Variants in EPHA5 observed in about 807,000 individuals in gnomAD.
The protein encoded by EPHA5 is ephrin type-A receptor 5.
In EPHA5, 60 loss-of-function variants were observed where a neutral mutation model predicts 105.0. The ratio of observed to expected loss-of-function variants is 0.57; its 90% CI spans 0.46 to 0.71. EPHA5 has a LOEUF of 0.71. Among genes scored for constraint, EPHA5 ranks in the 30% least tolerant of loss-of-function variants. The probability of loss-of-function intolerance (pLI) is 0.00; values close to 1 mark genes in which losing one functional copy is unlikely to be tolerated. For missense variants in EPHA5, 1,218 were observed against 1,274.7 expected (o/e 0.96, Z 0.68); for synonymous variants, 513 against 449.1 (o/e 1.14, Z -1.80).
chr4:65,354,359 TA>T (rs1327083875), intron 11 of EPHA5, among the ~76,000 whole-genome samples: 26 of 151,888 alleles, frequency 1.7e-4, no homozygotes, highest in Admixed American at 4.6e-4. Flanking sequence ...AATTGCAAGA[TA>T]AAAAATTATT....
chr4:65,419,371 TCCC>T (rs1174064978), intron 6 of EPHA5, among the ~76,000 whole-genome samples: 1 of 152,144 alleles, frequency 6.6e-6, no homozygotes, highest in Non-Finnish European at 1.5e-5. Flanking sequence ...TTTCCTACCA[TCCC>T]TTTTACTCTT....
intron 5 of EPHA5, among the ~76,000 whole-genome samples, chr4:65,442,289 ATCTT>A (rs777475937): frequency 3.3e-5 from 5 of 152,088 alleles, no homozygotes; most frequent in African/African-American, 7.2e-5. Flanking sequence ...CCTTAAAGAG[ATCTT>A]TCTTTCTCTC....
At chr4:65,586,542 T>A (rs965023650) in intron 3 of EPHA5, among the ~76,000 whole-genome samples, 1 of 152,006 alleles carries the variant, frequency 6.6e-6, no homozygotes, top group African/African-American at 2.4e-5. Context: ...CTTGTCTTTT[T>A]ACTATACATC....
intron 3 of EPHA5, among the ~76,000 whole-genome samples, chr4:65,592,907 A>G (rs1742809393): frequency 6.6e-6 from 1 of 152,212 alleles, no homozygotes; most frequent in Admixed American, 6.5e-5. Flanking sequence ...ATTTGGTCCC[A>G]ATAATACACA....
intron 5 of EPHA5, among the ~76,000 whole-genome samples, chr4:65,436,115 T>C (rs1316580426): frequency 6.6e-6 from 1 of 152,042 alleles, no homozygotes; most frequent in African/African-American, 2.4e-5. Flanking sequence ...AAGCTGTTAC[T>C]GATGAGAGTT....
At chr4:65,448,841 C>G (rs189011924) in intron 5 of EPHA5, among the ~76,000 whole-genome samples, 26 of 152,170 alleles carry the variant, frequency 1.7e-4, no homozygotes, top group Admixed American at 1.4e-3. Context: ...GCAAATTATT[C>G]ATACTGAAAT....
intron 16 of EPHA5, 119 bp from the exon 17 acceptor site, chr4:65,324,338 G>T: frequency 1.7e-6 from 1 of 600,636 alleles, no homozygotes; most frequent in Non-Finnish European, 2.9e-6. Context: ...TCCTAATTTA[G>T]ACATACAGAG....
chr4:65,669,251 CG>C (rs1750236865), intron 1 of EPHA5, among the ~76,000 whole-genome samples: 1 of 151,870 alleles, frequency 6.6e-6, no homozygotes, highest in African/African-American at 2.4e-5. Context: ...CCCCCTGGAA[CG>C]GGCCTCCATT....
chr4:65,659,074 C>A (rs1026236964), intron 1 of EPHA5, among the ~76,000 whole-genome samples: 3 of 151,708 alleles, frequency 2.0e-5, no homozygotes, highest in Admixed American at 2.0e-4. Context: ...TTCCAGGAAA[C>A]CTTTCTGTCT....
intron 2 of EPHA5, among the ~76,000 whole-genome samples, chr4:65,638,292 G>A (rs1207080000): frequency 6.6e-6 from 1 of 152,038 alleles, no homozygotes. Context: ...CACAACTGGG[G>A]ATAAAAATCT....
chr4:65,513,374 G>C (rs150911473), intron 3 of EPHA5, among the ~76,000 whole-genome samples: 1 of 151,746 alleles, frequency 6.6e-6, no homozygotes, highest in African/African-American at 2.4e-5. Context: ...AAGATTTGGG[G>C]TTTTTTTGTT....
At chr4:65,409,309 G>T (rs1722686928) in intron 7 of EPHA5, among the ~76,000 whole-genome samples, 1 of 106,718 alleles carries the variant, frequency 9.4e-6, no homozygotes, top group Non-Finnish European at 2.0e-5. Context: ...CCTGCACATT[G>T]TGCACATGTA....
intron 15 of EPHA5, among the ~76,000 whole-genome samples, chr4:65,333,074 CAAT>C (rs959848871): frequency 2.0e-5 from 3 of 151,130 alleles, no homozygotes; most frequent in African/African-American, 7.3e-5. Flanking sequence ...ATTCTTTGGA[CAAT>C]AATAATAATG....
At chr4:65,346,850 C>T (rs1041213041) in intron 14 of EPHA5, among the ~76,000 whole-genome samples, 6 of 152,272 alleles carry the variant, frequency 3.9e-5, no homozygotes, top group Admixed American at 1.3e-4. Context: ...CAAAAGAAGA[C>T]ATTTATGACC....
intron 8 of EPHA5, among the ~76,000 whole-genome samples, chr4:65,381,725 T>C (rs1719582392): frequency 6.6e-6 from 1 of 151,906 alleles, no homozygotes; most frequent in East Asian, 1.9e-4. Flanking sequence ...AAAGTGATGA[T>C]TTTAGGAGGT....
intron 5 of EPHA5, among the ~76,000 whole-genome samples, chr4:65,424,243 T>C (rs1724209282): frequency 6.6e-6 from 1 of 152,066 alleles, no homozygotes; most frequent in African/African-American, 2.4e-5. Flanking sequence ...ATATACAAAA[T>C]CCTGTCATCA....
rs1285114220 is a variant in EPHA5, at chr4:65,564,994, AC to A, written c.910+36646del. Among the ~76,000 whole-genome samples, 5 of 151,742 alleles carry A rather than the reference AC, an allele frequency of 3.3e-5. No homozygotes were observed. The East Asian group carries it at 9.6e-4, about 29-fold the overall frequency. On this transcript the variant is annotated intron_variant, in intron 3 of 16. Transcript: ENST00000613740. ...AGTCTATAATTTCCACTTATTCATT[AC>A]ATACAATCTATTAATAAATATTATA...
intron 1 of EPHA5, among the ~76,000 whole-genome samples, chr4:65,665,223 G>C (rs1399690348): frequency 2.6e-5 from 4 of 151,658 alleles, no homozygotes; most frequent in African/African-American, 9.7e-5. Context: ...AGGTAGAAAG[G>C]TTTCTACCAA....
intron 6 of EPHA5, among the ~76,000 whole-genome samples, chr4:65,415,515 A>G (rs1184072892): frequency 6.6e-6 from 1 of 152,030 alleles, no homozygotes. Flanking sequence ...TCCTTTTGTA[A>G]TATGTTTAAT....
Sources: gnomAD v4.1 joint callset for allele counts (sites outside exome capture counted in the v4.1 genomes callset) on GRCh38, gnomAD v4.1.1 for gene constraint, MANE v1.5 for transcripts, NCBI Gene and HGNC (gene_info 2026-07-23, HGNC 2026-07-21) for gene names.